DNAH9: variants seen among roughly 807,000 people sequenced by gnomAD.
DNAH9 encodes dynein axonemal heavy chain 9.
A neutral mutation model predicts 471.6 loss-of-function variants in DNAH9; 345 were observed. The ratio of observed to expected loss-of-function variants is 0.73; its 90% confidence interval spans 0.67 to 0.80. DNAH9 has a LOEUF of 0.80. DNAH9 is among the 30% of genes least tolerant of loss of function. DNAH9 has a pLI of 0.00. For synonymous variants in DNAH9, 2,093 were observed against 2,123.6 expected, an observed-to-expected ratio of 0.99 and a Z score of 0.40; for missense variants, 5,407 against 5,609.2, an observed-to-expected ratio of 0.96 and a Z score of 1.15.
At chr17:11,727,426 A>G (rs754042167) in intron 27 of DNAH9, among the ~76,000 whole-genome samples, 8 of 152,238 alleles carry the variant, frequency 5.3e-5, no homozygotes, top group Non-Finnish European at 8.8e-5. Context: ...GTGGTTGGGC[A>G]TAAATTTAAA....
chr17:11,787,385 C>G lies in DNAH9; in HGVS notation c.8061+2846C>G, dbSNP rs1178052776. ...CTTTTAAGTCATAGTTCACAATGTACAGAGCAACTTTTAGGCCATACTTAA... is the reference window on the plus strand; with the variant it reads ...CTTTTAAGTCATAGTTCACAATGTAGAGAGCAACTTTTAGGCCATACTTAA... On this transcript the variant is annotated intron_variant, in intron 41 of 68. Coordinates refer to ENST00000262442, the MANE Select transcript of DNAH9 (RefSeq NM_001372.4). Among the ~76,000 whole-genome samples, 4 of 152,216 alleles carry G rather than the reference C, an allele frequency of 2.6e-5. No individual in the cohort carries two copies. The East Asian group carries it at 7.7e-4, about 29-fold the overall frequency.
rs540253439 is a variant in DNAH9 at position 11,605,737 on chromosome 17, TCAAA to T, written c.418-2388_418-2385del. 6.6e-3 allele frequency among the ~76,000 whole-genome samples: 1,004 copies of T among 151,194 alleles called. 8 individuals are homozygous for T. The highest frequency in any genetic ancestry group is 0.017 in the African/African-American group (713 of 41,022). On this transcript the variant is annotated intron_variant, in intron 1 of 68. Coordinates refer to ENST00000262442, the MANE Select transcript of DNAH9 (RefSeq NM_001372.4). Reference sequence around the variant, plus strand: ...CCAGGCAGGTCTCCGACTCCTGGGCTCAAACAATCTGCCCTCCTCAGCCTCTCAG... The same window carrying T: ...CCAGGCAGGTCTCCGACTCCTGGGCTCAATCTGCCCTCCTCAGCCTCTCAG...
At chr17:11,943,933 C>A (rs889222398) in intron 67 of DNAH9, among the ~76,000 whole-genome samples, 1 of 148,848 alleles carries the variant, frequency 6.7e-6, no homozygotes, top group African/African-American at 2.4e-5. Context: ...TTACTGAGTA[C>A]GCAGGTATAT....
At chr17:11,872,945 A>G (rs1294926720) in intron 52 of DNAH9, among the ~76,000 whole-genome samples, 1 of 152,330 alleles carries the variant, frequency 6.6e-6, no homozygotes, top group East Asian at 1.9e-4. Context: ...AAAAACAGTC[A>G]GTGAGGGTGA....
intron 18 of DNAH9, 68 bp from the exon 19 acceptor site, chr17:11,680,655 C>T: frequency 7.2e-7 from 1 of 1,394,964 alleles, no homozygotes; most frequent in East Asian, 2.3e-5. Context: ...TGGGCTCTGT[C>T]CAGCTCAGGA....
intron 15 of DNAH9, among the ~76,000 whole-genome samples, chr17:11,668,815 G>T (rs2073926041): frequency 6.6e-6 from 1 of 152,068 alleles, no homozygotes; most frequent in Admixed American, 6.6e-5. Context: ...TAAATATCCT[G>T]CAGTACCCAG....
At chr17:11,968,600 G>A (rs1976931803) in intron 68 of DNAH9, among the ~76,000 whole-genome samples, 1 of 152,222 alleles carries the variant, frequency 6.6e-6, no homozygotes, top group African/African-American at 2.4e-5. Context: ...GTTCAGTGTG[G>A]TAGTGTATGT....
chr17:11,728,546 A>C (rs921441061), intron 28 of DNAH9, among the ~76,000 whole-genome samples: 3 of 151,584 alleles, frequency 2.0e-5, no homozygotes, highest in African/African-American at 7.3e-5. Context: ...AAAACAAAAA[A>C]AACTTGAGCT....
At chr17:11,770,207 C>T (rs1233968202) in intron 38 of DNAH9, among the ~76,000 whole-genome samples, 1 of 152,222 alleles carries the variant, frequency 6.6e-6, no homozygotes, top group Non-Finnish European at 1.5e-5. Context: ...TTATCCGCTA[C>T]ATCACCCAGG....
chr17:11,953,010 G>A (rs1196737063), intron 67 of DNAH9, among the ~76,000 whole-genome samples: 3 of 152,238 alleles, frequency 2.0e-5, no homozygotes, highest in Non-Finnish European at 2.9e-5. Flanking sequence ...GGGGAAAGTG[G>A]GAGAGAGACT....
rs370250741 is a variant in DNAH9, at chr17:11,875,042, G to A, written c.10336G>A (p.Asp3446Asn). 45 of 1,613,966 alleles carry A rather than the reference G, an allele frequency of 2.8e-5. No individual in the cohort carries two copies. The highest frequency in any genetic ancestry group is 1.1e-4 in the African/African-American group (8 of 74,888). ...AAWQNEGLPA[D>N]RMSVENATIL... ...CTGGCAGAACGAGGGCCTCCCAGCC[G>A]ACCGCATGTCCGTGGAGAATGCCAC... The change falls in exon 53 of 69, where the codon GAC becomes AAC. Residue 3446 changes from aspartate (D) to asparagine (N), a missense_variant. Physicochemically the swap from Asp to Asn is conservative, Grantham distance 23 (BLOSUM62 1). Transcript: ENST00000262442.
chr17:11,816,005 A>C (rs1243252324), intron 45 of DNAH9, among the ~76,000 whole-genome samples: 2 of 151,860 alleles, frequency 1.3e-5, no homozygotes, highest in African/African-American at 4.8e-5. Flanking sequence ...TTCCTTTTGA[A>C]CCTCATGCCC....
chr17:11,743,704 G>A (rs2075466453), intron 30 of DNAH9, among the ~76,000 whole-genome samples: 1 of 152,112 alleles, frequency 6.6e-6, no homozygotes, highest in East Asian at 1.9e-4. Flanking sequence ...TTTTTCGTCT[G>A]TGCCTGACTG....
Position 11,611,774 on chromosome 17 carries a change from G to C in DNAH9, c.898G>C (p.Val300Leu). The C allele has an allele frequency of 6.2e-7, 1 of 1,614,214 alleles. No individual in the cohort carries two copies. The highest frequency in any genetic ancestry group is 8.5e-7 in the Non-Finnish European group (1 of 1,179,994). ...PAFKAMYRDV[V>L]AALAEAQDIH... ...TTTCAAAGCCATGTACAGAGATGTT[G>C]TTGCAGGTGAGGACCAGCAAGTGTT... Residue 300 changes from valine to leucine, a missense_variant, in exon 4 of 69, where the codon GTT (valine) becomes CTT (leucine). Physicochemically the swap from Val to Leu is conservative, Grantham distance 32. Around this residue, in one of 3 missense-constraint regions of DNAH9, gnomAD observed 767 missense variants for 692.5 expected, o/e 1.11. Coordinates refer to ENST00000262442, the MANE Select transcript of DNAH9 (RefSeq NM_001372.4).
intron 29 of DNAH9, among the ~76,000 whole-genome samples, chr17:11,740,147 A>G (rs555638071): frequency 1.8e-4 from 27 of 152,324 alleles, no homozygotes; most frequent in African/African-American, 6.3e-4. Flanking sequence ...AGAAAACTGC[A>G]TTGTTGACCA....
At chr17:11,839,153 C>T (rs567277910) in intron 49 of DNAH9, among the ~76,000 whole-genome samples, 1 of 152,200 alleles carries the variant, frequency 6.6e-6, no homozygotes, top group East Asian at 1.9e-4. Flanking sequence ...TATTTATTTC[C>T]CATGCATCTT....
At chr17:11,612,027 G>C in intron 4 of DNAH9, 1 of 602,674 alleles carries the variant, frequency 1.7e-6, no homozygotes, top group Non-Finnish European at 3.0e-6. Context: ...GCTTTAGTAC[G>C]TGTGTTGGTT....
chr17:11,650,883 A>G (rs1308628451), intron 12 of DNAH9, among the ~76,000 whole-genome samples, 186 bp from the exon 13 acceptor site: 1 of 152,216 alleles, frequency 6.6e-6, no homozygotes, highest in Non-Finnish European at 1.5e-5. Context: ...TTTCCGAGAC[A>G]TCTTCCTTCT....
intron 65 of DNAH9, among the ~76,000 whole-genome samples, chr17:11,934,694 C>T (rs1049363930): frequency 2.0e-5 from 3 of 152,000 alleles, no homozygotes; most frequent in African/African-American, 4.8e-5. Flanking sequence ...CCTCGTGATC[C>T]GCCCACCTGG....
Sources: gnomAD v4.1 joint callset for allele counts (sites outside exome capture counted in the v4.1 genomes callset) on GRCh38, gnomAD v4.1.1 for gene constraint, gnomAD v4.1.1 regional missense constraint, MANE v1.5 for transcripts, NCBI Gene and HGNC (gene_info 2026-07-23, HGNC 2026-07-21) for gene names.